Variants in FSTL5 observed in about 807,000 individuals in gnomAD.
The protein encoded by FSTL5 is follistatin like 5, also known as follistatin-related protein 5.
In FSTL5, 62 loss-of-function variants were observed where a neutral mutation model predicts 89.1. The observed-to-expected ratio is 0.70, with a 90% CI of 0.57 to 0.86. FSTL5 has a LOEUF of 0.86. Ranked by LOEUF, FSTL5 falls within the 40% of genes least tolerant of loss-of-function variation. The pLI is 0.00. For synonymous variants in FSTL5, 383 were observed against 346.2 expected (o/e 1.11, Z -1.18); for missense variants, 1,057 against 1,001.6 (o/e 1.06, Z -0.75).
At chr4:161,735,192 G>A (rs1463239331) in intron 6 of FSTL5, among the ~76,000 whole-genome samples, 1 of 152,160 alleles carries the variant, frequency 6.6e-6, no homozygotes, top group East Asian at 1.9e-4. Flanking sequence ...ATGCTTATCA[G>A]TTTATTATAG....
In FSTL5 at chr4:161,385,675, T is replaced by C. The variant is rs577611440; in HGVS notation, c.*72A>G. The stretch of plus-strand genomic sequence containing the variant: ...AGGATATAAACTTGGAAAGTTAAGT[T>C]GTAAATTTAAACAATGGATTAAGTG... On this transcript the variant is annotated 3_prime_UTR_variant, in exon 16 of 16. Transcript: ENST00000306100. The C allele has an allele frequency of 1.1e-4, 131 of 1,153,186 alleles. No homozygotes were observed. The East Asian group carries it at 2.4e-3, about 21-fold the overall frequency. The allele number at this position is 1,153,186 out of a possible 1,614,324, so 71.4% of individuals were successfully genotyped here.
intron 15 of FSTL5, among the ~76,000 whole-genome samples, chr4:161,390,688 G>A (rs1378129157): frequency 6.6e-6 from 1 of 152,024 alleles, no homozygotes; most frequent in African/African-American, 2.4e-5. Flanking sequence ...GTGTCAACTT[G>A]TCATGGTCAC....
At chr4:161,974,879 C>G (rs1735588659) in intron 3 of FSTL5, among the ~76,000 whole-genome samples, 1 of 152,016 alleles carries the variant, frequency 6.6e-6, no homozygotes, top group African/African-American at 2.4e-5. Context: ...TAGCCAAAAT[C>G]TACAATGAAA....
chr4:161,933,545 G>A (rs1734349267), intron 3 of FSTL5, among the ~76,000 whole-genome samples: 1 of 149,002 alleles, frequency 6.7e-6, no homozygotes, highest in African/African-American at 2.5e-5. Context: ...TTTTGTAGGA[G>A]AAAAACATCT....
intron 8 of FSTL5, among the ~76,000 whole-genome samples, chr4:161,563,032 A>G (rs1732662014): frequency 6.6e-6 from 1 of 151,972 alleles, no homozygotes; most frequent in African/African-American, 2.4e-5. Flanking sequence ...CTAGATTAGC[A>G]TCAACATGTG....
chr4:161,454,891 T>A, intron 15 of FSTL5, 113 bp downstream of exon 15: 3 of 937,214 alleles, frequency 3.2e-6, no homozygotes, highest in Non-Finnish European at 4.9e-6. Flanking sequence ...TAAAGCAAGT[T>A]CAATTGTACA....
At chr4:161,581,833 T>C (rs1416070912) in intron 8 of FSTL5, among the ~76,000 whole-genome samples, 1 of 152,234 alleles carries the variant, frequency 6.6e-6, no homozygotes, top group African/African-American at 2.4e-5. Context: ...AGTGTACATA[T>C]AGTTTCACTG....
intron 10 of FSTL5, among the ~76,000 whole-genome samples, chr4:161,528,852 G>A (rs1731318596): frequency 7.0e-6 from 1 of 142,826 alleles, no homozygotes; most frequent in African/African-American, 2.5e-5. Context: ...GAAATACAAC[G>A]TTAGTATGTA....
At chr4:161,589,924 T>C (rs1215143586) in intron 7 of FSTL5, among the ~76,000 whole-genome samples, 1 of 151,854 alleles carries the variant, frequency 6.6e-6, no homozygotes, top group East Asian at 2.0e-4. Flanking sequence ...AGTTGTGAAC[T>C]ATATAGGAAC....
chr4:161,569,782 C>G (rs1266156972), intron 8 of FSTL5, among the ~76,000 whole-genome samples: 1 of 151,634 alleles, frequency 6.6e-6, no homozygotes, highest in African/African-American at 2.4e-5. Flanking sequence ...CACACACACA[C>G]ACACACACAC....
chr4:161,668,492 G>T (rs1189043834), intron 6 of FSTL5, among the ~76,000 whole-genome samples: 1 of 152,138 alleles, frequency 6.6e-6, no homozygotes, highest in Non-Finnish European at 1.5e-5. Flanking sequence ...GATAGCAGAA[G>T]AAATACTTTC....
At chr4:161,552,516 CTT>C (rs1275711680) in intron 8 of FSTL5, 1 of 151,580 alleles carries the variant, frequency 6.6e-6, no homozygotes, top group Non-Finnish European at 1.5e-5. Context: ...CAAAGGAAAA[CTT>C]TTTAGATGAG....
At chr4:161,992,931 T>C (rs375410476) in intron 3 of FSTL5, among the ~76,000 whole-genome samples, 81 of 6,138 alleles carry the variant, frequency 0.013, 1 homozygote, top group African/African-American at 0.021. Context: ...TATATGTGTG[T>C]ATATATATAT....
chr4:162,144,670 A>G (rs1418437980), intron 1 of FSTL5, among the ~76,000 whole-genome samples: 1 of 152,154 alleles, frequency 6.6e-6, no homozygotes, highest in Non-Finnish European at 1.5e-5. Flanking sequence ...GACAAATATA[A>G]TGATCCACAA....
intron 2 of FSTL5, among the ~76,000 whole-genome samples, chr4:162,050,534 A>T (rs1738345347): frequency 2.0e-5 from 3 of 150,256 alleles, no homozygotes; most frequent in African/African-American, 4.8e-5. Flanking sequence ...ATTAAATAAC[A>T]GTATTTAATC....
chr4:161,540,572 C>T (rs1008647077), intron 9 of FSTL5, among the ~76,000 whole-genome samples: 2 of 152,036 alleles, frequency 1.3e-5, no homozygotes, highest in Non-Finnish European at 2.9e-5. Context: ...TTATTGATTT[C>T]TATGACTCTT....
At chr4:161,520,917 G>A (rs1730999633) in intron 10 of FSTL5, among the ~76,000 whole-genome samples, 1 of 152,206 alleles carries the variant, frequency 6.6e-6, no homozygotes, top group Non-Finnish European at 1.5e-5. Flanking sequence ...AAGTCATCCT[G>A]TTGAATTGGA....
chr4:161,821,581 C>A (rs1730495638), intron 4 of FSTL5, among the ~76,000 whole-genome samples: 1 of 151,554 alleles, frequency 6.6e-6, no homozygotes, highest in South Asian at 2.1e-4. Flanking sequence ...CCCACACTTA[C>A]CCCCAAATCC....
chr4:161,542,474 T>C (rs1731854443), intron 9 of FSTL5, 58 bp downstream of exon 9: 1 of 1,141,776 alleles, frequency 8.8e-7, no homozygotes, highest in African/African-American at 1.6e-5. Flanking sequence ...ACGTTATAAA[T>C]TTTAGTATAA....
Sources: allele counts gnomAD v4.1 joint callset (sites outside exome capture counted in the v4.1 genomes callset), GRCh38; gene constraint gnomAD v4.1.1; transcripts MANE v1.5; gene names NCBI Gene and HGNC (gene_info 2026-07-23, HGNC 2026-07-21).